The following ATP8A2 variants were observed in gnomAD, a reference collection of about 807,000 sequenced individuals.
ATP8A2 encodes phospholipid-transporting ATPase IB.
Under a neutral mutation model 165.6 loss-of-function variants are expected in ATP8A2, and 100 were observed. The observed-to-expected ratio is 0.60, with a 90% CI of 0.51 to 0.71. The LOEUF is 0.71. Among genes scored for constraint, ATP8A2 ranks in the 30% least tolerant of loss-of-function variants. The pLI, the probability that ATP8A2 is intolerant of heterozygous loss-of-function variation, is 0.00. For synonymous variants in ATP8A2, 543 were observed against 548.8 expected, an observed-to-expected ratio of 0.99 and a Z score of 0.15; for missense variants, 1,227 against 1,479.5, an observed-to-expected ratio of 0.83 and a Z score of 2.80.
At chr13:25,450,687 A>C (rs1219764576) in intron 1 of ATP8A2, among the ~76,000 whole-genome samples, 1 of 151,958 alleles carries the variant, frequency 6.6e-6, no homozygotes, top group African/African-American at 2.4e-5. Context: ...GCCCGCCACC[A>C]TGCCCGGCTA....
intron 13 of ATP8A2, 33 bp from the exon 14 acceptor site, chr13:25,558,940 C>A (rs751114292): frequency 4.2e-6 from 6 of 1,412,740 alleles, no homozygotes; most frequent in Middle Eastern, 1.8e-4. Flanking sequence ...CTCAATACTT[C>A]CTGATGTATA....
intron 24 of ATP8A2, among the ~76,000 whole-genome samples, chr13:25,693,176 C>T (rs1020401135): frequency 1.3e-5 from 2 of 152,142 alleles, no homozygotes; most frequent in Non-Finnish European, 2.9e-5. Flanking sequence ...TTTGTAACAT[C>T]GTTCCTCTGG....
intron 2 of ATP8A2, among the ~76,000 whole-genome samples, chr13:25,505,645 C>T (rs2037013017): frequency 6.6e-6 from 1 of 152,154 alleles, no homozygotes; most frequent in South Asian, 2.1e-4. Flanking sequence ...CGTACACATC[C>T]CTGTTTCGCT....
rs550140684 is a variant in ATP8A2 at position 25,773,874 on chromosome 13, CTATG to C, written c.2569-973_2569-970del. Among the ~76,000 whole-genome samples, 241 of 152,096 alleles carry C rather than the reference CTATG, an allele frequency of 1.6e-3. 2 individuals carry two copies. The highest frequency in any genetic ancestry group is 5.5e-3 in the African/African-American group (227 of 41,498). On this transcript the variant is annotated intron_variant, in intron 26 of 36. Transcript: ENST00000381655. ...GTGCCTGTTATGTGTCTCTGTGTAT[CTATG>C]TGTGTACATCCGTGTGTGTCTATAT...
chr13:25,706,416 A>G (rs2043055966), intron 25 of ATP8A2, among the ~76,000 whole-genome samples: 1 of 152,232 alleles, frequency 6.6e-6, no homozygotes, highest in East Asian at 1.9e-4. Context: ...TACTTAATGT[A>G]GAAAAGAACT....
rs1593597209 is a variant in ATP8A2 at position 25,589,905 on chromosome 13, T to G, written c.2211+206T>G. Among the ~76,000 whole-genome samples the G allele has an allele frequency of 2.0e-5, 3 of 152,350 alleles. No individual in the cohort carries two copies. The East Asian group carries it at 5.8e-4, about 29-fold the overall frequency. On this transcript the variant is annotated intron_variant, in intron 24 of 36. Transcript: ENST00000381655. The stretch of plus-strand genomic sequence containing the variant: ...AAAACAGTAAGCTTAGAATATTGCC[T>G]CATGATAATACTTTTATTCATCTAG...
intron 27 of ATP8A2, among the ~76,000 whole-genome samples, chr13:25,816,152 T>A (rs1356570298): frequency 6.6e-6 from 1 of 152,188 alleles, no homozygotes; most frequent in Non-Finnish European, 1.5e-5. Context: ...TTGAAAACAG[T>A]TAAAATGGTG....
chr13:25,957,242 A>T (rs933567049), intron 33 of ATP8A2, among the ~76,000 whole-genome samples: 2 of 152,258 alleles, frequency 1.3e-5, no homozygotes, highest in African/African-American at 4.8e-5. Context: ...CACCAAAAGC[A>T]ATGGCAACAA....
intron 25 of ATP8A2, among the ~76,000 whole-genome samples, chr13:25,726,425 G>T (rs1173146771): frequency 1.3e-5 from 2 of 152,210 alleles, no homozygotes; most frequent in East Asian, 1.9e-4. Flanking sequence ...ATTCTCTTAG[G>T]TTCTGTGGGC....
intron 33 of ATP8A2, among the ~76,000 whole-genome samples, chr13:25,933,077 A>G (rs950816676): frequency 1.3e-5 from 2 of 152,148 alleles, no homozygotes; most frequent in Non-Finnish European, 2.9e-5. Context: ...CAAACTCCTG[A>G]TCTCAGGTGA....
At chr13:25,685,348 G>T (rs1273186053) in intron 24 of ATP8A2, among the ~76,000 whole-genome samples, 2 of 152,174 alleles carry the variant, frequency 1.3e-5, no homozygotes, top group Non-Finnish European at 2.9e-5. Context: ...ATTCGGTAAA[G>T]ATTTGAATAT....
chr13:25,470,302 T>C (rs958006313), intron 2 of ATP8A2, among the ~76,000 whole-genome samples: 1 of 152,206 alleles, frequency 6.6e-6, no homozygotes, highest in African/African-American at 2.4e-5. Flanking sequence ...TACTTAAAAG[T>C]GTAATTTAGA....
chr13:25,801,321 T>C (rs977065154), intron 27 of ATP8A2, among the ~76,000 whole-genome samples: 5 of 152,324 alleles, frequency 3.3e-5, no homozygotes, highest in Non-Finnish European at 7.4e-5. Context: ...GAGTTAGTGC[T>C]CTGACCTGAG....
At chr13:25,462,021 T>A (rs2035518707) in intron 1 of ATP8A2, among the ~76,000 whole-genome samples, 1 of 152,242 alleles carries the variant, frequency 6.6e-6, no homozygotes, top group Non-Finnish European at 1.5e-5. Flanking sequence ...AAGGCTCAGA[T>A]GGTAGCCTGC....
intron 27 of ATP8A2, among the ~76,000 whole-genome samples, chr13:25,805,791 A>T (rs1950720321): frequency 6.6e-6 from 1 of 152,218 alleles, no homozygotes; most frequent in South Asian, 2.1e-4. Flanking sequence ...AAGGCTATAG[A>T]TCAATGTAAG....
chr13:25,884,155 C>T (rs1050454783), intron 33 of ATP8A2, among the ~76,000 whole-genome samples: 3 of 152,150 alleles, frequency 2.0e-5, no homozygotes, highest in Admixed American at 2.0e-4. Context: ...GCCTTTCACT[C>T]CTGCCTCCTG....
intron 33 of ATP8A2, among the ~76,000 whole-genome samples, chr13:25,903,618 C>G (rs1297887290): frequency 1.3e-5 from 2 of 152,210 alleles, no homozygotes; most frequent in Admixed American, 6.5e-5. Flanking sequence ...GCTCATTGCT[C>G]TCTGCCACGG....
chr13:25,877,868 A>G (rs185589385), intron 33 of ATP8A2, among the ~76,000 whole-genome samples: 13 of 152,338 alleles, frequency 8.5e-5, no homozygotes, highest in Non-Finnish European at 1.3e-4. Context: ...AGTGCTTTCA[A>G]TTGCTGACAA....
chr13:25,707,184 G>A (rs1202852421), intron 25 of ATP8A2, among the ~76,000 whole-genome samples: 1 of 151,944 alleles, frequency 6.6e-6, no homozygotes, highest in African/African-American at 2.4e-5. Flanking sequence ...ATCTAAAGTA[G>A]GAAAAGGAAA....
Sources: gnomAD v4.1 joint callset for allele counts (sites outside exome capture counted in the v4.1 genomes callset) on GRCh38, gnomAD v4.1.1 for gene constraint, MANE v1.5 for transcripts, NCBI Gene and HGNC (gene_info 2026-07-23, HGNC 2026-07-21) for gene names.